Variants in MALRD1 observed in about 807,000 individuals in gnomAD.
MALRD1 encodes MAM and LDL receptor class A domain containing 1.
MALRD1 carries 247 observed loss-of-function variants against 242.1 expected under a neutral mutation model. That is an observed-to-expected ratio of 1.02 (90% CI 0.92 to 1.13). The LOEUF (loss-of-function observed/expected upper bound fraction) is 1.13. MALRD1 is among the 50% of genes most tolerant of loss of function. The pLI is 0.00. For synonymous variants in MALRD1, 995 were observed against 866.6 expected, an observed-to-expected ratio of 1.15 and a Z score of -2.60; for missense variants, 2,989 against 2,533.1, an observed-to-expected ratio of 1.18 and a Z score of -3.86.
intron 5 of MALRD1, among the ~76,000 whole-genome samples, chr10:19,122,976 T>C (rs1454807944): frequency 6.6e-6 from 1 of 152,194 alleles, no homozygotes; most frequent in East Asian, 1.9e-4. Context: ...TCCACCCTCC[T>C]TGGCCTCCCA....
chr10:19,079,975 C>G (rs180873356), intron 2 of MALRD1, among the ~76,000 whole-genome samples: 1 of 151,974 alleles, frequency 6.6e-6, no homozygotes, highest in Non-Finnish European at 1.5e-5. Context: ...ATGCCAACAT[C>G]TGGCAAGTAG....
At chr10:19,542,834 A>C (rs1368532042) in intron 32 of MALRD1, among the ~76,000 whole-genome samples, 1 of 152,058 alleles carries the variant, frequency 6.6e-6, no homozygotes, top group South Asian at 2.1e-4. Context: ...AAAAGTGTCT[A>C]TTTGTCTTTT....
At chr10:19,274,794 G>T (rs1840425692) in intron 19 of MALRD1, among the ~76,000 whole-genome samples, 1 of 152,140 alleles carries the variant, frequency 6.6e-6, no homozygotes, top group Admixed American at 6.6e-5. Flanking sequence ...AGAAACAAAT[G>T]TAGAAAGGTG....
chr10:19,268,366 A>G (rs1467936535), intron 19 of MALRD1, among the ~76,000 whole-genome samples: 2 of 152,160 alleles, frequency 1.3e-5, no homozygotes, highest in Non-Finnish European at 2.9e-5. Context: ...TATATCTAAC[A>G]CAGACACTTC....
rs539141552 is a variant in MALRD1, at chr10:19,521,067, G to C, written c.5321-10127G>C. Among the ~76,000 whole-genome samples the C allele has an allele frequency of 2.0e-5, 3 of 152,244 alleles. No individual in the cohort carries two copies. The South Asian group carries it at 6.2e-4, about 32-fold the overall frequency. Reference sequence around the variant, plus strand: ...GGTATTATCTGTGAGATGATACTGAGTGAAAAACATGTGAATGAATCAGTT... The same window carrying C: ...GGTATTATCTGTGAGATGATACTGACTGAAAAACATGTGAATGAATCAGTT... On this transcript the variant is annotated intron_variant, in intron 31 of 39. Coordinates refer to ENST00000454679, the MANE Select transcript of MALRD1 (RefSeq NM_001142308.3).
chr10:19,293,674 T>C (rs1841554478), intron 21 of MALRD1, among the ~76,000 whole-genome samples: 1 of 152,194 alleles, frequency 6.6e-6, no homozygotes, highest in Non-Finnish European at 1.5e-5. Flanking sequence ...AAATACTGTA[T>C]GCTCTCACTT....
At chr10:19,282,139 C>G (rs1384315755) in intron 20 of MALRD1, among the ~76,000 whole-genome samples, 1 of 152,110 alleles carries the variant, frequency 6.6e-6, no homozygotes, top group African/African-American at 2.4e-5. Flanking sequence ...TAAAAGCCTA[C>G]AAATTATATA....
intron 13 of MALRD1, among the ~76,000 whole-genome samples, chr10:19,172,709 TATG>T (rs1181914509): frequency 6.7e-6 from 1 of 150,344 alleles, no homozygotes; most frequent in Non-Finnish European, 1.5e-5. Context: ...GACCTTCAAA[TATG>T]ATGGTCAACA....
At chr10:19,336,240 T>A (rs1322816585) in intron 24 of MALRD1, among the ~76,000 whole-genome samples, 8 of 152,194 alleles carry the variant, frequency 5.3e-5, no homozygotes, top group African/African-American at 1.9e-4. Context: ...AATCATGCCA[T>A]TGATACAGAG....
chr10:19,330,324 A>T (rs552410197), intron 23 of MALRD1, among the ~76,000 whole-genome samples: 4 of 152,054 alleles, frequency 2.6e-5, no homozygotes, highest in South Asian at 4.2e-4. Context: ...ACACAATAGT[A>T]TAAAGACTTA....
At chr10:19,220,440 A>G (rs16918369) in intron 18 of MALRD1, among the ~76,000 whole-genome samples, 2,546 of 152,294 alleles carry the variant, frequency 0.017, 74 homozygotes, top group African/African-American at 0.058. Context: ...CAGACCTTCC[A>G]AAAGTATAAT....
intron 26 of MALRD1, among the ~76,000 whole-genome samples, chr10:19,355,454 C>T (rs1032413763): frequency 4.0e-5 from 6 of 151,364 alleles, no homozygotes; most frequent in African/African-American, 1.5e-4. Context: ...AAAGAGTATT[C>T]ATTCATATAA....
intron 1 of MALRD1, among the ~76,000 whole-genome samples, chr10:19,062,861 C>A (rs150781258): frequency 6.6e-6 from 1 of 152,082 alleles, no homozygotes; most frequent in Non-Finnish European, 1.5e-5. Context: ...GAACTACACA[C>A]TTAAGAATGG....
chr10:19,676,232 G>T (rs1047926593), intron 36 of MALRD1, among the ~76,000 whole-genome samples: 2 of 152,178 alleles, frequency 1.3e-5, no homozygotes, highest in Admixed American at 6.5e-5. Flanking sequence ...CTGTGGGAAA[G>T]TAGTAAAGGT....
At chr10:19,373,203 C>CAAAAAAAA (rs374095193) in intron 26 of MALRD1, among the ~76,000 whole-genome samples, 101 of 114,850 alleles carry the variant, frequency 8.8e-4, no homozygotes, top group African/African-American at 2.8e-3. Context: ...ACGCTAAATA[C>CAAAAAAAA]AAAAAAAAAA....
chr10:19,254,966 T>C (rs1267247805), intron 18 of MALRD1, among the ~76,000 whole-genome samples: 1 of 151,976 alleles, frequency 6.6e-6, no homozygotes, highest in African/African-American at 2.4e-5. Flanking sequence ...AAAATTTTGG[T>C]CAGTCATTCA....
At chr10:19,510,082 T>C (rs1833326980) in intron 31 of MALRD1, among the ~76,000 whole-genome samples, 1 of 152,126 alleles carries the variant, frequency 6.6e-6, no homozygotes, top group Non-Finnish European at 1.5e-5. Flanking sequence ...AACAAATGTC[T>C]CTGCATCATA....
chr10:19,239,599 A>T (rs1252836572), intron 18 of MALRD1, among the ~76,000 whole-genome samples: 2 of 152,120 alleles, frequency 1.3e-5, no homozygotes, highest in Non-Finnish European at 2.9e-5. Flanking sequence ...AATTTCCCAC[A>T]TGTTATCTCC....
At chr10:19,516,822 C>T (rs1833654669) in intron 31 of MALRD1, among the ~76,000 whole-genome samples, 1 of 151,612 alleles carries the variant, frequency 6.6e-6, no homozygotes, top group Non-Finnish European at 1.5e-5. Flanking sequence ...TTTCTCTATA[C>T]TTGCATTTTA....
Sources: gnomAD v4.1 joint callset for allele counts (sites outside exome capture counted in the v4.1 genomes callset) on GRCh38, gnomAD v4.1.1 for gene constraint, MANE v1.5 for transcripts, NCBI Gene and HGNC (gene_info 2026-07-23, HGNC 2026-07-21) for gene names.